The following MIPOL1 variants were observed in gnomAD, a reference collection of about 807,000 sequenced individuals.
MIPOL1 encodes the protein mirror-image polydactyly 1.
A neutral mutation model predicts 60.9 loss-of-function variants in MIPOL1; 57 were observed. The observed-to-expected ratio is 0.94, with a 90% CI of 0.76 to 1.17. The LOEUF (loss-of-function observed/expected upper bound fraction) is 1.17. Among genes scored for constraint, MIPOL1 ranks in the 50% most tolerant of loss-of-function variants. The probability of loss-of-function intolerance (pLI) is 0.00; values close to 1 mark genes in which losing one functional copy is unlikely to be tolerated. For synonymous variants in MIPOL1, 179 were observed against 168.8 expected (o/e 1.06, Z -0.47); for missense variants, 551 against 511.6 (o/e 1.08, Z -0.74).
chr14:37,460,116 T>A (rs1475075499), intron 11 of MIPOL1, among the ~76,000 whole-genome samples: 3 of 126,202 alleles, frequency 2.4e-5, no homozygotes, highest in Admixed American at 7.9e-5. Flanking sequence ...ATAATAATAA[T>A]AAAATTCTAG....
chr14:37,499,648 C>T (rs2095185892), intron 11 of MIPOL1, among the ~76,000 whole-genome samples: 1 of 152,136 alleles, frequency 6.6e-6, no homozygotes, highest in South Asian at 2.1e-4. Flanking sequence ...GTAATATTTA[C>T]ACTGATATAA....
chr14:37,366,899 A>G (rs991997938), intron 9 of MIPOL1, among the ~76,000 whole-genome samples: 4 of 152,060 alleles, frequency 2.6e-5, no homozygotes, highest in African/African-American at 9.6e-5. Context: ...TTATCATTAT[A>G]TAATGACCTT....
chr14:37,449,787 T>C (rs2094390944), intron 11 of MIPOL1, among the ~76,000 whole-genome samples: 1 of 151,032 alleles, frequency 6.6e-6, no homozygotes, highest in African/African-American at 2.4e-5. Context: ...TCTGATTACA[T>C]TTATTTATTT....
At chr14:37,507,790 A>G (rs2095292341) in intron 12 of MIPOL1, 1 of 152,148 alleles carries the variant, frequency 6.6e-6, no homozygotes, top group African/African-American at 2.4e-5. Flanking sequence ...ACTCTGAAAA[A>G]TTCACTGTCT....
intron 1 of MIPOL1, among the ~76,000 whole-genome samples, chr14:37,211,096 A>G (rs1425281709): frequency 8.5e-5 from 13 of 152,220 alleles, no homozygotes; most frequent in Non-Finnish European, 1.8e-4. Context: ...TTGCAAAGGC[A>G]GTTTCAGATG....
At chr14:37,397,339 C>G (rs925355155) in intron 10 of MIPOL1, among the ~76,000 whole-genome samples, 7 of 149,860 alleles carry the variant, frequency 4.7e-5, no homozygotes, top group African/African-American at 1.7e-4. Flanking sequence ...CTATAGGTCT[C>G]TCAGTCCTGG....
chr14:37,370,599 A>G (rs1239149063), intron 10 of MIPOL1, among the ~76,000 whole-genome samples: 1 of 152,182 alleles, frequency 6.6e-6, no homozygotes, highest in Non-Finnish European at 1.5e-5. Flanking sequence ...ATTTTAATGT[A>G]GAAAATATTT....
intron 11 of MIPOL1, among the ~76,000 whole-genome samples, chr14:37,495,945 C>A: frequency 6.9e-6 from 1 of 145,258 alleles, no homozygotes; most frequent in Non-Finnish European, 1.5e-5. Flanking sequence ...AGTGTCTGTT[C>A]ATGTCCTTCG....
At chr14:37,226,404 C>T (rs192695774) in intron 1 of MIPOL1, among the ~76,000 whole-genome samples, 1 of 152,300 alleles carries the variant, frequency 6.6e-6, no homozygotes, top group Non-Finnish European at 1.5e-5. Flanking sequence ...GCCTCACAAT[C>T]ATGGTAGAAG....
intron 1 of MIPOL1, among the ~76,000 whole-genome samples, chr14:37,217,080 A>C (rs944408772): frequency 1.3e-5 from 2 of 152,220 alleles, no homozygotes; most frequent in African/African-American, 4.8e-5. Flanking sequence ...AGACATTACA[A>C]CTGATACTGC....
At chr14:37,484,135 A>T (rs920604804) in intron 11 of MIPOL1, among the ~76,000 whole-genome samples, 8 of 152,084 alleles carry the variant, frequency 5.3e-5, no homozygotes, top group African/African-American at 1.9e-4. Flanking sequence ...CTTTGGCGTT[A>T]GTTTTTTGAA....
intron 3 of MIPOL1, among the ~76,000 whole-genome samples, chr14:37,261,854 G>A (rs2082537260): frequency 6.6e-6 from 1 of 152,102 alleles, no homozygotes; most frequent in South Asian, 2.1e-4. Context: ...CAGCTATATT[G>A]TGGAGCCAGA....
At chr14:37,430,555 A>G (rs1324837802) in intron 11 of MIPOL1, among the ~76,000 whole-genome samples, 1 of 151,468 alleles carries the variant, frequency 6.6e-6, no homozygotes, top group Non-Finnish European at 1.5e-5. Context: ...GATTTGGACT[A>G]TATTTATTAA....
At chr14:37,348,821 T>TTGTTTTG (rs1333043294) in intron 9 of MIPOL1, among the ~76,000 whole-genome samples, 1 of 48,814 alleles carries the variant, frequency 2.0e-5, no homozygotes, top group African/African-American at 5.3e-5. Flanking sequence ...TCTTTTTTCC[T>TTGTTTTG]TTTTTTGTTT....
At chr14:37,200,848 C>CTGTGTG (rs1408015940) in intron 1 of MIPOL1, among the ~76,000 whole-genome samples, 15 of 94,888 alleles carry the variant, frequency 1.6e-4, no homozygotes, top group Admixed American at 5.8e-4. Flanking sequence ...CTATATCTAT[C>CTGTGTG]TATGTGTGTG....
intron 1 of MIPOL1, among the ~76,000 whole-genome samples, chr14:37,217,157 C>A (rs1055718671): frequency 3.3e-5 from 5 of 152,006 alleles, no homozygotes; most frequent in Admixed American, 6.6e-5. Flanking sequence ...GAGAAATGGG[C>A]AAATTTTGAG....
intron 3 of MIPOL1, among the ~76,000 whole-genome samples, chr14:37,265,600 A>G (rs1023946415): frequency 5.9e-5 from 9 of 152,188 alleles, no homozygotes; most frequent in Admixed American, 3.3e-4. Context: ...GAAAGCCTTC[A>G]GAGGATTTAA....
chr14:37,392,884 T>C (rs2093283112), intron 10 of MIPOL1, among the ~76,000 whole-genome samples: 1 of 152,206 alleles, frequency 6.6e-6, no homozygotes, highest in African/African-American at 2.4e-5. Flanking sequence ...GTTAGAATTG[T>C]GTGCCCCCAA....
At chr14:37,248,737 G>T (rs2153357962) in intron 3 of MIPOL1, among the ~76,000 whole-genome samples, 1 of 152,110 alleles carries the variant, frequency 6.6e-6, no homozygotes, top group Non-Finnish European at 1.5e-5. Flanking sequence ...AGAGAGAGTA[G>T]AGAGAATGAG....
Sources: allele counts gnomAD v4.1 joint callset (sites outside exome capture counted in the v4.1 genomes callset), GRCh38; gene constraint gnomAD v4.1.1; transcripts MANE v1.5; gene names NCBI Gene and HGNC (gene_info 2026-07-23, HGNC 2026-07-21).